RGS7: variants seen among roughly 807,000 people sequenced by gnomAD.
RGS7 encodes regulator of G-protein signaling 7.
Under a neutral mutation model 81.1 loss-of-function variants are expected in RGS7, and 27 were observed. The ratio of observed to expected loss-of-function variants is 0.33; its 90% CI spans 0.25 to 0.46. The LOEUF is 0.46. Ranked by LOEUF, RGS7 falls within the 20% of genes least tolerant of loss-of-function variation. The pLI is 1.00. For missense variants in RGS7, 396 were observed against 607.4 expected, an observed-to-expected ratio of 0.65 and a Z score of 3.66; for synonymous variants, 208 against 207.7, an observed-to-expected ratio of 1.00 and a Z score of -0.01.
chr1:241,083,403 A>G (rs571247249), intron 3 of RGS7, among the ~76,000 whole-genome samples: 6 of 152,270 alleles, frequency 3.9e-5, no homozygotes, highest in African/African-American at 1.4e-4. Context: ...AAAGAGTAAC[A>G]ACCATTAGGG....
intron 3 of RGS7, among the ~76,000 whole-genome samples, chr1:241,024,914 A>T (rs1259162303): frequency 1.3e-5 from 2 of 152,192 alleles, no homozygotes; most frequent in Admixed American, 6.6e-5. Context: ...TAAAATGTTA[A>T]TTTCTATCCA....
At chr1:240,815,711 A>G (rs10926363) in intron 11 of RGS7, among the ~76,000 whole-genome samples, 71,413 of 152,016 alleles carry the variant, frequency 0.47, 18,443 homozygotes, top group Non-Finnish European at 0.58. Flanking sequence ...AAAGCCCCAT[A>G]ACTGAACCAA....
intron 6 of RGS7, among the ~76,000 whole-genome samples, chr1:240,885,769 A>G (rs1558412757): frequency 6.6e-6 from 1 of 152,132 alleles, no homozygotes; most frequent in Non-Finnish European, 1.5e-5. Context: ...GGGAGGAGGA[A>G]GAGGAGCAGA....
At chr1:240,810,445 C>CTTTTTT (rs5782164) in intron 14 of RGS7, among the ~76,000 whole-genome samples, 1 of 124,620 alleles carries the variant, frequency 8.0e-6, no homozygotes, top group Non-Finnish European at 1.7e-5. Flanking sequence ...TTAATGCATT[C>CTTTTTT]TTTTTTTTTT....
intron 9 of RGS7, among the ~76,000 whole-genome samples, chr1:240,843,357 C>T (rs1658468851): frequency 6.6e-6 from 1 of 151,938 alleles, no homozygotes; most frequent in African/African-American, 2.4e-5. Context: ...CTTCAATTTC[C>T]TAGGCTCAGG....
At chr1:241,135,960 C>CAAAAA (rs61617683) in intron 2 of RGS7, among the ~76,000 whole-genome samples, 2 of 74,360 alleles carry the variant, frequency 2.7e-5, no homozygotes, top group East Asian at 6.4e-4. Context: ...ATGATAATGA[C>CAAAAA]AAAAAAAAAA....
At chr1:241,069,622 G>A (rs780764635) in intron 3 of RGS7, among the ~76,000 whole-genome samples, 8 of 152,098 alleles carry the variant, frequency 5.3e-5, no homozygotes, top group Non-Finnish European at 1.0e-4. Flanking sequence ...TTCATATGTG[G>A]CTTTTTGTAC....
At chr1:241,155,321 C>T (rs1162017608) in intron 2 of RGS7, among the ~76,000 whole-genome samples, 1 of 152,036 alleles carries the variant, frequency 6.6e-6, no homozygotes, top group East Asian at 1.9e-4. Context: ...GGCTGGTGAA[C>T]TCCTGACCTC....
chr1:241,328,443 A>T (rs1038935305), intron 2 of RGS7, among the ~76,000 whole-genome samples: 1 of 152,230 alleles, frequency 6.6e-6, no homozygotes, highest in African/African-American at 2.4e-5. Flanking sequence ...CTACAGGCCC[A>T]GCTCCACTCC....
intron 5 of RGS7, among the ~76,000 whole-genome samples, chr1:240,934,836 C>T (rs898262618): frequency 6.9e-6 from 1 of 145,264 alleles, no homozygotes; most frequent in Non-Finnish European, 1.5e-5. Flanking sequence ...AAATTCTCTC[C>T]TTTTCTCCTG....
chr1:240,799,877 C>A (rs1254245303), intron 18 of RGS7, among the ~76,000 whole-genome samples: 1 of 152,038 alleles, frequency 6.6e-6, no homozygotes, highest in Non-Finnish European at 1.5e-5. Flanking sequence ...CCTGTTGGCC[C>A]TTTCTTAAAG....
At chr1:240,842,715 A>T (rs563066728) in intron 9 of RGS7, among the ~76,000 whole-genome samples, 51 of 152,154 alleles carry the variant, frequency 3.4e-4, no homozygotes, top group African/African-American at 1.2e-3. Flanking sequence ...ATCAAGCCAG[A>T]CCAATACGTT....
At chr1:240,993,137 G>C (rs1300930012) in intron 3 of RGS7, among the ~76,000 whole-genome samples, 2 of 123,362 alleles carry the variant, frequency 1.6e-5, no homozygotes, top group Non-Finnish European at 3.3e-5. Flanking sequence ...GAAGGAAGGA[G>C]GAAAGGAAAG....
chr1:240,855,308 C>CAAAAAAA (rs758331434), intron 9 of RGS7, among the ~76,000 whole-genome samples: 21 of 14,930 alleles, frequency 1.4e-3, no homozygotes, highest in African/African-American at 3.8e-3. Flanking sequence ...GACCATGTCT[C>CAAAAAAA]AAAAAAAAAA....
At chr1:241,311,381 T>C (rs2080521880) in intron 2 of RGS7, among the ~76,000 whole-genome samples, 1 of 152,226 alleles carries the variant, frequency 6.6e-6, no homozygotes, top group Non-Finnish European at 1.5e-5. Context: ...GTTAATTGGC[T>C]AAGAAATACA....
intron 3 of RGS7, among the ~76,000 whole-genome samples, chr1:241,065,309 T>C (rs1296753099): frequency 2.0e-5 from 3 of 150,216 alleles, no homozygotes; most frequent in Non-Finnish European, 4.4e-5. Flanking sequence ...ATATAATAGA[T>C]ATATGACAGA....
chr1:241,070,926 G>T (rs1311237159), intron 3 of RGS7, among the ~76,000 whole-genome samples: 2 of 152,180 alleles, frequency 1.3e-5, no homozygotes, highest in Non-Finnish European at 2.9e-5. Context: ...TTGCCAAGAG[G>T]ACTGGATTTC....
At chr1:241,224,952 G>C (rs1204550668) in intron 2 of RGS7, among the ~76,000 whole-genome samples, 1 of 152,070 alleles carries the variant, frequency 6.6e-6, no homozygotes, top group Non-Finnish European at 1.5e-5. Context: ...CTCACAGCAT[G>C]ATAACTGAGG....
At chr1:240,839,053 CTG>C (rs1212899286) in intron 9 of RGS7, among the ~76,000 whole-genome samples, 1 of 152,238 alleles carries the variant, frequency 6.6e-6, no homozygotes, top group Non-Finnish European at 1.5e-5. Flanking sequence ...GCGTAAGCCA[CTG>C]TGCCCGGCCT....
Sources: allele counts gnomAD v4.1 joint callset (sites outside exome capture counted in the v4.1 genomes callset), GRCh38; gene constraint gnomAD v4.1.1; transcripts MANE v1.5; gene names NCBI Gene and HGNC (gene_info 2026-07-23, HGNC 2026-07-21).